CROCC2: variants seen among roughly 807,000 people sequenced by gnomAD.
CROCC2 encodes ciliary rootlet coiled-coil, rootletin family member 2.
CROCC2 carries 163 observed loss-of-function variants against 177.6 expected under a neutral mutation model. The ratio of observed to expected loss-of-function variants is 0.92; its 90% confidence interval spans 0.81 to 1.05. The LOEUF is 1.05. Ranked by LOEUF, CROCC2 falls within the 50% of genes least tolerant of loss-of-function variation. The probability of loss-of-function intolerance (pLI) is 0.00; values close to 1 mark genes in which losing one functional copy is unlikely to be tolerated. For synonymous variants in CROCC2, 904 were observed against 787.3 expected (o/e 1.15, Z -2.48); for missense variants, 1,929 against 1,797.8 (o/e 1.07, Z -1.32).
rs1449361466 is a variant in CROCC2 at position 240,982,928 on chromosome 2, A to G, written c.4450A>G (p.Ser1484Gly). 1 of 1,550,412 alleles carries G rather than the reference A, an allele frequency of 6.4e-7. No individual in the cohort carries two copies. Among genetic ancestry groups the G allele is most frequent in the East Asian group, 2.4e-5 (1 of 40,900 alleles). Residue 1484 changes from serine to glycine, a missense_variant, in exon 28 of 32, where the codon AGC becomes GGC. Ser to Gly is a moderately conservative substitution (Grantham distance 56). This residue lies in a region of CROCC2 where 388 missense variants were observed against 352.7 expected (regional missense o/e 1.10). Coordinates refer to ENST00000690015, the MANE Select transcript of CROCC2 (RefSeq NM_001351305.2). This position sits in a 1 kb window ranked among gnomAD's most constrained non-coding sequence, Gnocchi z 4.7. ...RQALEESRRH[S>G]QGLAKQGKLL... ...GGCTCTTGAAGAGAGCAGGAGGCAC[A>G]GCCAAGGTCTGGCCAAGCAGGGGAA...
At chr2:240,925,998 G>A (rs4073150) in intron 5 of CROCC2, 118 bp downstream of exon 5, 306,882 of 596,080 alleles carry the variant, frequency 0.51, 83,160 homozygotes, top group East Asian at 0.87. Flanking sequence ...TCTTGGGGAC[G>A]AGGCCACAGC....
intron 15 of CROCC2, among the ~76,000 whole-genome samples, chr2:240,948,648 G>T (rs542972188): frequency 1.3e-5 from 2 of 152,174 alleles, no homozygotes; most frequent in Non-Finnish European, 1.5e-5. Flanking sequence ...GTGTGTTGGT[G>T]TGTGCTCCAG....
intron 15 of CROCC2, among the ~76,000 whole-genome samples, chr2:240,946,573 CT>C (rs1221964609): frequency 6.6e-6 from 1 of 152,218 alleles, no homozygotes; most frequent in Non-Finnish European, 1.5e-5. Context: ...GTGAATCCAA[CT>C]TCAGGTATGG....
intron 1 of CROCC2, among the ~76,000 whole-genome samples, chr2:240,915,958 C>T (rs936760073): frequency 3.9e-5 from 6 of 152,164 alleles, no homozygotes; most frequent in Admixed American, 2.0e-4. Context: ...AAGCCTCCAG[C>T]GGACGCTGGG....
chr2:240,912,337 A>G (rs929572389), intron 1 of CROCC2, among the ~76,000 whole-genome samples: 1 of 152,090 alleles, frequency 6.6e-6, no homozygotes, highest in African/African-American at 2.4e-5. Context: ...AAGCTGCCCC[A>G]CCTCAGATGC....
Position 240,922,661 on chromosome 2 carries a change from G to T in CROCC2, c.488+16G>T. 1.7e-6 allele frequency: 1 copy of T among 585,246 alleles called. No homozygotes were observed. The allele number at this position is 585,246 out of a possible 1,614,324, so 36.3% of individuals were successfully genotyped here. ...CCGAGGAGAGGTGAGGCCAGGTGCG[G>T]GGCAGTCAGGGCTGCAGGAAGCACA... is the stretch of plus-strand genomic sequence containing the variant. On this transcript the variant is annotated intron_variant, in intron 4 of 31. Transcript: ENST00000690015.
chr2:240,934,252 G>T, intron 11 of CROCC2, 79 bp from the exon 12 acceptor site: 7 of 1,480,066 alleles, frequency 4.7e-6, no homozygotes, highest in Non-Finnish European at 6.3e-6. Flanking sequence ...GGAGTTGCAG[G>T]TGGTCGCCTG....
chr2:240,976,365 T>C (rs1471995200), intron 27 of CROCC2, among the ~76,000 whole-genome samples: 163 of 108,578 alleles, frequency 1.5e-3, no homozygotes, highest in Middle Eastern at 4.5e-3. Context: ...CCCAGGCTCA[T>C]CCCTGCTCAG....
At chr2:240,929,982 C>T (rs1029010156) in intron 5 of CROCC2, among the ~76,000 whole-genome samples, 184 bp from the exon 6 acceptor site, 5 of 152,198 alleles carry the variant, frequency 3.3e-5, no homozygotes, top group Middle Eastern at 3.2e-3. Context: ...GGGAGGGGCA[C>T]AGTATGGCCC....
chr2:240,976,096 G>A (rs1216481956), intron 27 of CROCC2, among the ~76,000 whole-genome samples: 1 of 152,244 alleles, frequency 6.6e-6, no homozygotes, highest in African/African-American at 2.4e-5. Context: ...CAGATGGGGA[G>A]ACTGACACTG....
At chr2:240,944,202 C>A (rs914523047) in intron 14 of CROCC2, among the ~76,000 whole-genome samples, 1 of 152,208 alleles carries the variant, frequency 6.6e-6, no homozygotes, top group African/African-American at 2.4e-5. Context: ...GTTCATTTCA[C>A]GCCTATGTGT....
intron 5 of CROCC2, among the ~76,000 whole-genome samples, chr2:240,928,704 C>T (rs1453634338): frequency 6.6e-6 from 1 of 152,244 alleles, no homozygotes; most frequent in Admixed American, 6.5e-5. Flanking sequence ...CCCCGTACAG[C>T]AGGCACGGGG....
intron 20 of CROCC2, among the ~76,000 whole-genome samples, chr2:240,961,592 AC>A (rs2059635339): frequency 1.4e-5 from 2 of 142,054 alleles, no homozygotes; most frequent in African/African-American, 2.7e-5. Flanking sequence ...ACACTCACAC[AC>A]ACACACGCAC....
In CROCC2 at chr2:240,965,714, C is replaced by T. The variant is rs545508902; in HGVS notation, c.3682C>T (p.Arg1228Cys). The T allele has an allele frequency of 4.7e-4, 733 of 1,547,764 alleles. 14 individuals are homozygous for T. In the South Asian group the frequency reaches 7.9e-3, roughly 17 times the overall value. ...TGGACAGCGGCTCCAGGAGCACCTCCGTGAGAGCCGGGGGGCTGAGCAGAC... is the reference window on the plus strand; with the variant it reads ...TGGACAGCGGCTCCAGGAGCACCTCTGTGAGAGCCGGGGGGCTGAGCAGAC... ...AHGQRLQEHL[R>C]ESRGAEQTLR... Residue 1228 changes from arginine (R) to cysteine (C), a missense_variant, in exon 24 of 32, where the codon CGT (arginine) becomes TGT (cysteine). Around this residue, in one of 3 missense-constraint regions of CROCC2, gnomAD observed 144 missense variants for 205.2 expected, o/e 0.70. Coordinates refer to ENST00000690015, the MANE Select transcript of CROCC2 (RefSeq NM_001351305.2).
chr2:240,960,266 C>T lies in CROCC2; in HGVS notation c.3087+822C>T, dbSNP rs940662449. On this transcript the variant is annotated intron_variant, in intron 20 of 31. Coordinates refer to ENST00000690015, the MANE Select transcript of CROCC2 (RefSeq NM_001351305.2). This position sits in a 1 kb window ranked among gnomAD's most constrained non-coding sequence, Gnocchi z 5.0. ...ACTTCACTGGGCTGGACACTAAGGT[C>T]GGGGGAGGCTGGATTTGGGGCAGCA... Among the ~76,000 whole-genome samples the T allele has an allele frequency of 7.9e-5, 12 of 152,158 alleles. No individual in the cohort carries two copies. The highest frequency in any genetic ancestry group is 2.1e-4 in the South Asian group (1 of 4,830).
At chr2:240,921,062 C>T (rs1397091135) in intron 3 of CROCC2, among the ~76,000 whole-genome samples, 1 of 152,224 alleles carries the variant, frequency 6.6e-6, no homozygotes, top group Middle Eastern at 3.2e-3. Context: ...CCAGGCCACA[C>T]CACCATTACT....
chr2:240,939,329 C>T (rs1354960847), intron 14 of CROCC2, among the ~76,000 whole-genome samples: 2 of 152,104 alleles, frequency 1.3e-5, no homozygotes, highest in African/African-American at 4.8e-5. Context: ...AGATGTTAAA[C>T]TTGCATACAT....
intron 1 of CROCC2, among the ~76,000 whole-genome samples, chr2:240,912,041 A>T (rs1364866926): frequency 6.6e-6 from 1 of 152,128 alleles, no homozygotes; most frequent in African/African-American, 2.4e-5. Flanking sequence ...GAGAGTCTAC[A>T]TTTAATTTTG....
chr2:240,989,763 C>A lies in CROCC2; in HGVS notation c.4793C>A (p.Pro1598Gln). The change falls in exon 30 of 32, where the codon CCG (proline) becomes CAG (glutamine). Residue 1598 changes from proline (P) to glutamine (Q), a missense_variant. This residue lies in a region of CROCC2 where 388 missense variants were observed against 352.7 expected (regional missense o/e 1.10). Coordinates refer to ENST00000690015, the MANE Select transcript of CROCC2 (RefSeq NM_001351305.2). ...TEAERLHGAR[P>Q]QATQALESQE... ...GCAGAGCGTCTCCATGGGGCCCGGCCGCAGGCCACGCAGGCCCTGGAGTCC... is the reference window on the plus strand; with the variant it reads ...GCAGAGCGTCTCCATGGGGCCCGGCAGCAGGCCACGCAGGCCCTGGAGTCC... The A allele has an allele frequency of 6.5e-7, 1 of 1,550,114 alleles. No individual in the cohort carries two copies. The highest frequency in any genetic ancestry group is 1.2e-5 in the South Asian group (1 of 84,038).
Sources: allele counts gnomAD v4.1 joint callset (sites outside exome capture counted in the v4.1 genomes callset), GRCh38; gene constraint gnomAD v4.1.1; regional missense constraint gnomAD v4.1.1; non-coding constraint Gnocchi (gnomAD v3.1); transcripts MANE v1.5; gene names NCBI Gene and HGNC (gene_info 2026-07-23, HGNC 2026-07-21).